Variants in ZNF350 observed in about 807,000 individuals in gnomAD.
ZNF350 encodes the protein KRAB zinc finger protein ZFQR.
In ZNF350, 5 loss-of-function variants were observed where a neutral mutation model predicts 13.1. The observed-to-expected ratio is 0.38, with a 90% CI of 0.20 to 0.80. ZNF350 has a LOEUF of 0.80. Among genes scored for constraint, ZNF350 ranks in the 30% least tolerant of loss-of-function variants. The pLI is 0.43. For missense variants in ZNF350, 534 were observed against 644.2 expected (o/e 0.83, Z 1.85); for synonymous variants, 199 against 224.2 (o/e 0.89, Z 1.00).
chr19:51,968,252 A>C (rs1446476321), intron 4 of ZNF350, among the ~76,000 whole-genome samples: 1 of 152,192 alleles, frequency 6.6e-6, no homozygotes, highest in African/African-American at 2.4e-5. Flanking sequence ...CTTTGGAAAG[A>C]GGCCTGGAAG....
chr19:51,971,562 A>G (rs2085738123), intron 2 of ZNF350, among the ~76,000 whole-genome samples: 1 of 152,174 alleles, frequency 6.6e-6, no homozygotes, highest in South Asian at 2.1e-4. Context: ...GGTTTTCTGG[A>G]GGCAATCACT....
chr19:51,981,880 T>C (rs1469480148), intron 1 of ZNF350: 2 of 152,122 alleles, frequency 1.3e-5, no homozygotes, highest in Non-Finnish European at 2.9e-5. Context: ...AGACCTTTCC[T>C]AGTAACTGAC....
intron 1 of ZNF350, among the ~76,000 whole-genome samples, chr19:51,975,445 A>C (rs796151216): frequency 6.6e-6 from 1 of 151,518 alleles, no homozygotes; most frequent in Non-Finnish European, 1.5e-5. Flanking sequence ...AAAAAAAAAA[A>C]AAAAAAACTA....
At position 51,964,834 on chromosome 19, in the gene ZNF350, C is replaced by T. The variant is rs762730115; in HGVS notation, c.*20G>A. 6.3e-7 allele frequency: 1 copy of T among 1,589,722 alleles called. No homozygotes were observed. On this transcript the variant is annotated 3_prime_UTR_variant, in exon 5 of 5. Coordinates refer to ENST00000243644, the MANE Select transcript of ZNF350 (RefSeq NM_021632.4). ...CAAATTTTTGCTCAACCCTTTTCCA[C>T]ATAGATCTGAGTTTTCTTCCTATGG...
At chr19:51,970,548 G>C (rs1219110973) in intron 2 of ZNF350, among the ~76,000 whole-genome samples, 1 of 152,112 alleles carries the variant, frequency 6.6e-6, no homozygotes, top group African/African-American at 2.4e-5. Context: ...GGATGTGGAA[G>C]CCATGGATAT....
rs528090548 is a variant in ZNF350, at chr19:51,983,621, C to T, written c.-172+3149G>A. On this transcript the variant is annotated intron_variant, in intron 1 of 4. Coordinates refer to ENST00000243644, the MANE Select transcript of ZNF350 (RefSeq NM_021632.4). ...TAAAGTCAAACATAAATCTGGCCTACGTACACATCAAGGCACAGGACCTTT... is the reference window on the plus strand; with the variant it reads ...TAAAGTCAAACATAAATCTGGCCTATGTACACATCAAGGCACAGGACCTTT... Among the ~76,000 whole-genome samples the T allele has an allele frequency of 2.0e-5, 3 of 152,276 alleles. No homozygotes were observed. In the East Asian group the frequency reaches 5.8e-4, roughly 29 times the overall value.
chr19:51,965,168 G>A lies in ZNF350; in HGVS notation c.1285C>T (p.Gln429Ter), dbSNP rs1279372590. 1 of 1,614,122 alleles carries A rather than the reference G, an allele frequency of 6.2e-7. No individual in the cohort carries two copies. The highest frequency in any genetic ancestry group is 2.2e-5 in the East Asian group (1 of 44,884). ...GGATTTTCCACCTTGGCTGCCTCTTGTTTCTCCCTTGTGTGTATTCTCTTA... is the reference window on the plus strand; with the variant it reads ...GGATTTTCCACCTTGGCTGCCTCTTATTTCTCCCTTGTGTGTATTCTCTTA... ...KHKRIHTREK[Q>*]EAAKVENPPA... The change falls in exon 5 of 5, where the codon CAA (glutamine) becomes TAA (stop). Residue 429 changes from glutamine (Q) to a stop codon, truncating the protein, a stop_gained. Transcript: ENST00000243644. LOFTEE classifies it low-confidence loss of function (END_TRUNC).
chr19:51,966,291 T>TG, intron 4 of ZNF350, 77 bp from the exon 5 acceptor site: 2 of 1,015,370 alleles, frequency 2.0e-6, no homozygotes, highest in South Asian at 2.2e-5. Context: ...GTTTTTTTTG[T>TG]TTTTTTTTTT....
Position 51,976,354 on chromosome 19 carries a change from C to G in ZNF350, c.-171-1823G>C, listed in dbSNP as rs771378724. 3 of 152,260 alleles carry G rather than the reference C, an allele frequency of 2.0e-5. No homozygotes were observed. Among genetic ancestry groups the G allele is most frequent in the Non-Finnish European group, 4.4e-5 (3 of 68,094 alleles). 9.4% of individuals were successfully genotyped at this position (152,260 alleles called of 1,614,324 possible). ...CCTTCTTCCAAATACACTCTTTTGT[C>G]TCATCTTTATTCCCGTGTTCACCCC... On this transcript the variant is annotated intron_variant, in intron 1 of 4. Coordinates refer to ENST00000243644, the MANE Select transcript of ZNF350 (RefSeq NM_021632.4). The surrounding 1 kb of genome is among the most constrained non-coding windows in gnomAD (Gnocchi z 4.5).
chr19:51,965,217 C>A lies in ZNF350; in HGVS notation c.1236G>T (p.Ala412=). 1 of 1,614,218 alleles carries A rather than the reference C, an allele frequency of 6.2e-7. No individual in the cohort carries two copies. The highest frequency in any genetic ancestry group is 8.5e-7 in the Non-Finnish European group (1 of 1,180,040). ...YGCNECGKAF[A]YMSCLVKHKR... ...TATGCTTAACCAGACACGACATATA[C>A]GCAAACGCTTTCCCACACTCGTTAC... The change falls in exon 5 of 5, where the codon GCG becomes GCT. Residue 412 remains alanine, a synonymous_variant. Coordinates refer to ENST00000243644, the MANE Select transcript of ZNF350 (RefSeq NM_021632.4).
intron 4 of ZNF350, among the ~76,000 whole-genome samples, chr19:51,967,890 A>AG (rs1491493931): frequency 6.6e-5 from 10 of 152,174 alleles, no homozygotes; most frequent in Non-Finnish European, 1.2e-4. Context: ...CTAGGAACTC[A>AG]GGGGAGAGTT....
intron 4 of ZNF350, chr19:51,967,545 AT>A (rs1479513994): frequency 6.6e-6 from 1 of 152,230 alleles, no homozygotes; most frequent in Non-Finnish European, 1.5e-5. Context: ...GCAAGATGGT[AT>A]TATATCACAG....
intron 1 of ZNF350, chr19:51,981,423 G>C (rs1024726061): frequency 2.0e-5 from 3 of 152,166 alleles, no homozygotes; most frequent in Admixed American, 2.0e-4. Flanking sequence ...CAGTCCCATG[G>C]GTCCATGTGG....
intron 1 of ZNF350, among the ~76,000 whole-genome samples, chr19:51,978,032 A>T (rs2085942362): frequency 6.6e-6 from 1 of 152,256 alleles, no homozygotes; most frequent in African/African-American, 2.4e-5. Flanking sequence ...CAGAAAAAAC[A>T]GCAGGACTCT....
rs2086133077 is a variant in ZNF350 at position 51,984,945 on chromosome 19, T to C, written c.-172+1825A>G. On this transcript the variant is annotated intron_variant, in intron 1 of 4. Coordinates refer to ENST00000243644, the MANE Select transcript of ZNF350 (RefSeq NM_021632.4). ...AGAGTGATGTACAATTCCACTGATA[T>C]ACAGAGTTTAAAATAGGCAAAACTG... 3.9e-5 allele frequency among the ~76,000 whole-genome samples: 6 copies of C among 152,154 alleles called. No individual in the cohort carries two copies. In the South Asian group the frequency reaches 1.2e-3, roughly 31 times the overall value.
In ZNF350 at chr19:51,965,091, T is replaced by A; in HGVS notation, c.1362A>T (p.Lys454Asn). The A allele has an allele frequency of 6.2e-7, 1 of 1,614,182 alleles. No individual in the cohort carries two copies. The highest frequency in any genetic ancestry group is 1.7e-5 in the Admixed American group (1 of 60,032). ...GTGTAGTCGCCCCGTTAGCAGAGTT[T>A]TTCTCCTGCATGACATCACTGGTGT... The part of the protein sequence containing the change: ...SLHTSDVMQE[K>N]NSANGATTQV... The change falls in exon 5 of 5, where the codon AAA (lysine) becomes AAT (asparagine). Residue 454 changes from lysine (K) to asparagine (N), a missense_variant. Coordinates refer to ENST00000243644, the MANE Select transcript of ZNF350 (RefSeq NM_021632.4).
In ZNF350 at chr19:51,969,014, C is replaced by T. The variant is rs1167023152; in HGVS notation, c.133G>A (p.Val45Met). ...DVMLENYSNLVAVGYQASKPD... is the reference protein window; with the variant it reads ...DVMLENYSNLMAVGYQASKPD... ...GGGCAGCTGTCCTCACCCACTGCCA[C>T]CAGGTTGCTGTAGTTCTCCAACATC... is the stretch of plus-strand genomic sequence containing the variant. Residue 45 changes from valine to methionine, a missense_variant, in exon 3 of 5, where the codon GTG (valine) becomes ATG (methionine). Val to Met is a conservative substitution (Grantham distance 21). Coordinates refer to ENST00000243644, the MANE Select transcript of ZNF350 (RefSeq NM_021632.4). 2 of 1,614,056 alleles carry T rather than the reference C, an allele frequency of 1.2e-6. No individual in the cohort carries two copies. The highest frequency in any genetic ancestry group is 1.7e-6 in the Non-Finnish European group (2 of 1,179,958).
intron 2 of ZNF350, chr19:51,973,674 C>A (rs1371560671): frequency 6.6e-6 from 1 of 152,242 alleles, no homozygotes; most frequent in Non-Finnish European, 1.5e-5. Flanking sequence ...TATTCAAACA[C>A]CAGTTCAGCT....
In ZNF350 at chr19:51,974,332, C is replaced by T; in HGVS notation, c.15+14G>A. 6.2e-7 allele frequency: 1 copy of T among 1,613,476 alleles called. No homozygotes were observed. The highest frequency in any genetic ancestry group is 8.5e-7 in the Non-Finnish European group (1 of 1,179,674). On this transcript the variant is annotated intron_variant, in intron 2 of 4. Coordinates refer to ENST00000243644, the MANE Select transcript of ZNF350 (RefSeq NM_021632.4). ...GAACAAAGGAAAGAATAAAACAAAC[C>T]AAAAGTCAGTTACCTGGGCCTGGAT...
Sources: gnomAD v4.1 joint callset for allele counts (sites outside exome capture counted in the v4.1 genomes callset) on GRCh38, gnomAD v4.1.1 for gene constraint, Gnocchi (gnomAD v3.1) non-coding constraint, MANE v1.5 for transcripts, NCBI Gene and HGNC (gene_info 2026-07-23, HGNC 2026-07-21) for gene names.